Variants in GRM8 observed in about 807,000 individuals in gnomAD.
GRM8 encodes the protein metabotropic glutamate receptor 8.
In GRM8, 47 loss-of-function variants were observed where a neutral mutation model predicts 87.2. The observed-to-expected ratio is 0.54, with a 90% CI of 0.43 to 0.69. The LOEUF (loss-of-function observed/expected upper bound fraction) is 0.69. GRM8 is among the 30% of genes least tolerant of loss of function. The pLI is 0.00. For missense variants in GRM8, 1,019 were observed against 1,139.2 expected, an observed-to-expected ratio of 0.89 and a Z score of 1.52; for synonymous variants, 396 against 404.5, an observed-to-expected ratio of 0.98 and a Z score of 0.25.
chr7:126,995,808 AT>A (rs1424096676), intron 3 of GRM8, among the ~76,000 whole-genome samples: 17 of 152,132 alleles, frequency 1.1e-4, no homozygotes, highest in African/African-American at 3.9e-4. Flanking sequence ...ATTCAATGGG[AT>A]AATATAAAAG....
chr7:126,738,643 T>C (rs1031332057), intron 7 of GRM8, among the ~76,000 whole-genome samples: 2 of 140,836 alleles, frequency 1.4e-5, no homozygotes, highest in African/African-American at 5.4e-5. Flanking sequence ...GAGAATCATC[T>C]GTATAGAAGA....
intron 7 of GRM8, among the ~76,000 whole-genome samples, chr7:126,753,415 C>T (rs79988815): frequency 0.03 from 4,493 of 151,456 alleles, 253 homozygotes; most frequent in African/African-American, 0.1. Flanking sequence ...GATAGACACA[C>T]GTATATACGT....
At chr7:126,821,043 A>G (rs889426595) in intron 6 of GRM8, among the ~76,000 whole-genome samples, 20 of 152,344 alleles carry the variant, frequency 1.3e-4, no homozygotes, top group African/African-American at 4.8e-4. Context: ...CAGAGGTTAC[A>G]GTGAGCTGAG....
At chr7:127,141,212 C>T (rs532118889) in intron 2 of GRM8, among the ~76,000 whole-genome samples, 2 of 152,156 alleles carry the variant, frequency 1.3e-5, no homozygotes, top group Admixed American at 1.3e-4. Flanking sequence ...CTGCTGGTCT[C>T]TTTCTTTAAA....
chr7:127,111,302 A>C (rs11563717), intron 2 of GRM8: 1 of 152,156 alleles, frequency 6.6e-6, no homozygotes, highest in Non-Finnish European at 1.5e-5. Flanking sequence ...GCTCAAGATT[A>C]AAATTATATT....
In GRM8 at chr7:126,473,565, C is replaced by T. The variant is rs776850869; in HGVS notation, c.2431-27193G>A. ...CCTTGTCTCACATGAGACTTTGGAC[C>T]GTGGACTTTTGAATTAATGCTGAAA... On this transcript the variant is annotated intron_variant, in intron 9 of 10. Coordinates refer to ENST00000339582, the MANE Select transcript of GRM8 (RefSeq NM_000845.3). Among the ~76,000 whole-genome samples the T allele has an allele frequency of 5.3e-5, 8 of 152,072 alleles. No individual in the cohort carries two copies. In the East Asian group the frequency reaches 9.7e-4, roughly 18 times the overall value.
Position 126,466,203 on chromosome 7 carries a change from T to A in GRM8, c.2431-19831A>T, listed in dbSNP as rs569822056. On this transcript the variant is annotated intron_variant, in intron 9 of 10. Coordinates refer to ENST00000339582, the MANE Select transcript of GRM8 (RefSeq NM_000845.3). ...TTTTAGTTAGAATTGTTCTAAAGAATGTAATGGTTCCATTATAAAGAGGGT... is the reference window on the plus strand; with the variant it reads ...TTTTAGTTAGAATTGTTCTAAAGAAAGTAATGGTTCCATTATAAAGAGGGT... Among the ~76,000 whole-genome samples, 3 of 152,010 alleles carry A rather than the reference T, an allele frequency of 2.0e-5. No individual in the cohort carries two copies. The South Asian group carries it at 6.2e-4, about 32-fold the overall frequency.
At chr7:127,140,234 C>T (rs1828186658) in intron 2 of GRM8, among the ~76,000 whole-genome samples, 1 of 152,068 alleles carries the variant, frequency 6.6e-6, no homozygotes, top group African/African-American at 2.4e-5. Context: ...AAGGGCCATC[C>T]TGTGCATTTT....
intron 7 of GRM8, among the ~76,000 whole-genome samples, chr7:126,624,504 A>C (rs1295099452): frequency 6.6e-6 from 1 of 152,208 alleles, no homozygotes; most frequent in Non-Finnish European, 1.5e-5. Flanking sequence ...TATTGCCTTC[A>C]TAGTACTTTT....
rs1050704380 is a variant in GRM8 at position 126,686,950 on chromosome 7, C to T, written c.1358-77452G>A. The stretch of plus-strand genomic sequence containing the variant: ...GACCTGTCTTGTCCCTCTCAAGGTG[C>T]CTGTCACCCTACAATTCCAGTAGCT... On this transcript the variant is annotated intron_variant, in intron 7 of 10. Coordinates refer to ENST00000339582, the MANE Select transcript of GRM8 (RefSeq NM_000845.3). Among the ~76,000 whole-genome samples, 5 of 152,362 alleles carry T rather than the reference C, an allele frequency of 3.3e-5. 1 individual carries two copies. The highest frequency in any genetic ancestry group is 2.0e-4 in the Admixed American group (3 of 15,310).
At chr7:126,542,578 T>C (rs10255674) in intron 8 of GRM8, among the ~76,000 whole-genome samples, 24,925 of 152,200 alleles carry the variant, frequency 0.16, 2,205 homozygotes, top group Middle Eastern at 0.2. Flanking sequence ...GGATGAATCC[T>C]ATAAGCAAAT....
At chr7:126,737,086 C>T (rs748096625) in intron 7 of GRM8, among the ~76,000 whole-genome samples, 5 of 152,048 alleles carry the variant, frequency 3.3e-5, no homozygotes, top group Admixed American at 6.6e-5. Context: ...GTAGGACTAA[C>T]AAATTAGCCA....
intron 6 of GRM8, among the ~76,000 whole-genome samples, chr7:126,853,762 G>A (rs1020291866): frequency 6.6e-6 from 1 of 152,146 alleles, no homozygotes; most frequent in Admixed American, 6.5e-5. Flanking sequence ...TATGCCTGGA[G>A]GTGTGCTCCT....
intron 6 of GRM8, among the ~76,000 whole-genome samples, chr7:126,827,827 A>T (rs905898805): frequency 2.0e-5 from 3 of 152,218 alleles, no homozygotes; most frequent in African/African-American, 7.2e-5. Flanking sequence ...TTGCCCATTC[A>T]GTATGATATT....
At chr7:127,051,164 G>T (rs930010362) in intron 3 of GRM8, among the ~76,000 whole-genome samples, 1 of 152,126 alleles carries the variant, frequency 6.6e-6, no homozygotes, top group Non-Finnish European at 1.5e-5. Context: ...TCTGAAAGGT[G>T]GTCCCCACTT....
chr7:126,671,406 C>A (rs1008469829), intron 7 of GRM8, among the ~76,000 whole-genome samples: 1 of 152,146 alleles, frequency 6.6e-6, no homozygotes, highest in African/African-American at 2.4e-5. Flanking sequence ...AATAACCAGG[C>A]CAAGTATAAG....
chr7:126,764,193 G>A (rs1176965142), intron 7 of GRM8, among the ~76,000 whole-genome samples: 1 of 151,674 alleles, frequency 6.6e-6, no homozygotes, highest in African/African-American at 2.4e-5. Context: ...TTATCACACT[G>A]GTTAAAACTG....
intron 7 of GRM8, among the ~76,000 whole-genome samples, chr7:126,658,906 G>T (rs1804831521): frequency 6.6e-6 from 1 of 152,040 alleles, no homozygotes; most frequent in Non-Finnish European, 1.5e-5. Context: ...ACATCAAGGA[G>T]GATGCCGTAA....
rs1196236498 is a variant in GRM8, at chr7:126,439,175, A to C, written c.2678-7T>G. 1 of 1,483,824 alleles carries C rather than the reference A, an allele frequency of 6.7e-7. No individual in the cohort carries two copies. Among genetic ancestry groups the C allele is most frequent in the Admixed American group, 1.7e-5 (1 of 59,772 alleles). The allele number at this position is 1,483,824 out of a possible 1,614,324, so 91.9% of individuals were successfully genotyped here. ...GTTGTCTTGGTAGAGGAAGCTGTTA[A>C]GATAAATGAGGACAAATTAAAATAG... On this transcript the variant is annotated splice_region_variant and splice_polypyrimidine_tract_variant and intron_variant, in intron 10 of 10. Coordinates refer to ENST00000339582, the MANE Select transcript of GRM8 (RefSeq NM_000845.3).
Sources: gnomAD v4.1 joint callset for allele counts (sites outside exome capture counted in the v4.1 genomes callset) on GRCh38, gnomAD v4.1.1 for gene constraint, MANE v1.5 for transcripts, NCBI Gene and HGNC (gene_info 2026-07-23, HGNC 2026-07-21) for gene names.